USP32: variants seen among roughly 807,000 people sequenced by gnomAD.
USP32 encodes the protein ubiquitin specific peptidase 32, also known as ubiquitin carboxyl-terminal hydrolase 32.
Under a neutral mutation model 204.8 loss-of-function variants are expected in USP32, and 59 were observed. That is an observed-to-expected ratio of 0.29 (90% CI 0.23 to 0.36). The LOEUF (loss-of-function observed/expected upper bound fraction) is 0.36. Ranked by LOEUF, USP32 falls within the 10% of genes least tolerant of loss-of-function variation. The pLI, the probability that USP32 is intolerant of heterozygous loss-of-function variation, is 1.00. For synonymous variants in USP32, 517 were observed against 678.4 expected, an observed-to-expected ratio of 0.76 and a Z score of 3.70; for missense variants, 1,160 against 1,946.4, an observed-to-expected ratio of 0.60 and a Z score of 7.60.
chr17:60,234,832 G>A (rs1400935753), intron 12 of USP32, among the ~76,000 whole-genome samples: 1 of 151,950 alleles, frequency 6.6e-6, no homozygotes, highest in Admixed American at 6.5e-5. Flanking sequence ...CTATCTGGGC[G>A]TTTCAAAGTC....
At chr17:60,315,156 G>A (rs1001755678) in intron 2 of USP32, among the ~76,000 whole-genome samples, 2 of 152,202 alleles carry the variant, frequency 1.3e-5, no homozygotes, top group African/African-American at 4.8e-5. Context: ...CTAGCACTTT[G>A]GGAGGCCGAG....
At chr17:60,204,594 G>A (rs1306042797) in intron 26 of USP32, among the ~76,000 whole-genome samples, 3 of 150,356 alleles carry the variant, frequency 2.0e-5, no homozygotes, top group Admixed American at 6.7e-5. Flanking sequence ...TCAGCATCTC[G>A]AGTAGCTGAA....
chr17:60,314,998 C>G (rs1304777330), intron 2 of USP32, among the ~76,000 whole-genome samples: 4 of 152,112 alleles, frequency 2.6e-5, no homozygotes, highest in Admixed American at 1.3e-4. Context: ...CAATTTTAAA[C>G]AGGGCAAATG....
chr17:60,323,005 C>T (rs1184009020), intron 2 of USP32, among the ~76,000 whole-genome samples: 1 of 152,142 alleles, frequency 6.6e-6, no homozygotes, highest in Non-Finnish European at 1.5e-5. Context: ...ATTAATTAAA[C>T]TCCAAGGATA....
At chr17:60,415,987 G>A (rs1287563369) in intron 1 of USP32, among the ~76,000 whole-genome samples, 4 of 152,028 alleles carry the variant, frequency 2.6e-5, no homozygotes, top group East Asian at 3.9e-4. Context: ...CTACAGGCAC[G>A]TGCCACCACG....
rs1016878263 is a variant in USP32, at chr17:60,223,282, G to A, written c.1608+129C>T. 6.0e-5 allele frequency: 44 copies of A among 730,204 alleles called. No homozygotes were observed. The African/African-American group carries it at 6.2e-4, about 10-fold the overall frequency. The allele number at this position is 730,204 out of a possible 1,614,324, so 45.2% of individuals were successfully genotyped here. On this transcript the variant is annotated intron_variant, in intron 14 of 33. Transcript: ENST00000300896. ...TTCTCACAGAAATGTACTATACAAA[G>A]AGATGTCCATCTATAATACAGTAAT...
intron 1 of USP32, among the ~76,000 whole-genome samples, chr17:60,369,569 T>C (rs1464419133): frequency 6.6e-6 from 1 of 152,028 alleles, no homozygotes; most frequent in African/African-American, 2.4e-5. Context: ...AATGTAAAAC[T>C]TCAGAAGTGA....
At chr17:60,400,544 C>T (rs963889075) in intron 1 of USP32, among the ~76,000 whole-genome samples, 5 of 152,190 alleles carry the variant, frequency 3.3e-5, no homozygotes, top group African/African-American at 4.8e-5. Context: ...AGGAATACAA[C>T]AGGAGAAGGA....
intron 1 of USP32, among the ~76,000 whole-genome samples, chr17:60,381,377 G>C (rs1567887134): frequency 6.6e-6 from 1 of 151,386 alleles, no homozygotes; most frequent in Admixed American, 6.6e-5. Flanking sequence ...GGAAGTAGAG[G>C]CTGCAGTGAG....
intron 1 of USP32, 120 bp downstream of exon 1, chr17:60,391,762 T>C (rs2146144970): frequency 1.7e-6 from 2 of 1,168,788 alleles, no homozygotes; most frequent in East Asian, 5.5e-5. Context: ...GCCGGCCGCC[T>C]TTCCCTTCCG....
chr17:60,362,182 A>AT (rs1231993796), intron 1 of USP32, among the ~76,000 whole-genome samples: 1 of 152,208 alleles, frequency 6.6e-6, no homozygotes, highest in Admixed American at 6.5e-5. Flanking sequence ...CTGAGCTTGA[A>AT]TACATCACAT....
At chr17:60,250,546 A>G (rs1014196224) in intron 11 of USP32, among the ~76,000 whole-genome samples, 1 of 152,210 alleles carries the variant, frequency 6.6e-6, no homozygotes, top group Non-Finnish European at 1.5e-5. Flanking sequence ...CAATTATTTT[A>G]AAATCCTACG....
chr17:60,313,236 G>A (rs1002760207), intron 2 of USP32, among the ~76,000 whole-genome samples: 2 of 152,002 alleles, frequency 1.3e-5, no homozygotes, highest in African/African-American at 4.8e-5. Context: ...GGGTGACAGA[G>A]TGAGACTCTG....
intron 26 of USP32, among the ~76,000 whole-genome samples, chr17:60,201,117 C>A (rs141356612): frequency 2.0e-5 from 3 of 152,112 alleles, no homozygotes; most frequent in East Asian, 3.8e-4. Context: ...CTCAGCCTCC[C>A]AAAATGCTGA....
chr17:60,333,030 T>G (rs1264131911), intron 2 of USP32, among the ~76,000 whole-genome samples: 1 of 151,972 alleles, frequency 6.6e-6, no homozygotes, highest in Non-Finnish European at 1.5e-5. Context: ...GAAAGACTAC[T>G]CAATGAAAAA....
At chr17:60,378,569 T>C (rs894983167) in intron 1 of USP32, among the ~76,000 whole-genome samples, 1 of 152,302 alleles carries the variant, frequency 6.6e-6, no homozygotes, top group East Asian at 1.9e-4. Flanking sequence ...AACAGATGGA[T>C]GTACAAACAA....
In USP32 at chr17:60,183,404, G is replaced by A. The variant is rs2084165994; in HGVS notation, c.3884C>T (p.Ser1295Leu). 2 of 1,613,148 alleles carry A rather than the reference G, an allele frequency of 1.2e-6. No individual in the cohort carries two copies. Among genetic ancestry groups the A allele is most frequent in the African/African-American group, 2.7e-5 (2 of 74,846 alleles). ...FQFVNGRWIKSQKIVKFPRES... is the reference protein window; with the variant it reads ...FQFVNGRWIKLQKIVKFPRES... Reference sequence around the variant, plus strand: ...CCGAGGAAATTTGACAATTTTCTGTGATTTTATCCACCGACCATTTACAAA... The same window carrying A: ...CCGAGGAAATTTGACAATTTTCTGTAATTTTATCCACCGACCATTTACAAA... The change falls in exon 31 of 34, where the codon TCA becomes TTA. Residue 1295 changes from serine (S) to leucine (L), a missense_variant. Coordinates refer to ENST00000300896, the MANE Select transcript of USP32 (RefSeq NM_032582.4).
In USP32 at chr17:60,288,449, C is replaced by G. The variant is rs946912888; in HGVS notation, c.571+74G>C. The G allele has an allele frequency of 3.4e-6, 5 of 1,476,204 alleles. No homozygotes were observed. The African/African-American group carries it at 5.7e-5, about 17-fold the overall frequency. 91.4% of individuals were successfully genotyped at this position (1,476,204 alleles called of 1,614,324 possible). A position where few individuals can be genotyped will look rare whatever the true frequency, so the allele number is the denominator to read the frequency against. On this transcript the variant is annotated intron_variant, in intron 5 of 33. Transcript: ENST00000300896. ...TTTAAATAAATTTCTCCTTTATAAGCATATTCTCATATTACCAGCCAATTA... is the reference window on the plus strand; with the variant it reads ...TTTAAATAAATTTCTCCTTTATAAGGATATTCTCATATTACCAGCCAATTA...
chr17:60,420,078 AT>A (rs2090097678), intron 1 of USP32, among the ~76,000 whole-genome samples: 1 of 148,490 alleles, frequency 6.7e-6, no homozygotes, highest in African/African-American at 2.5e-5. Context: ...TGTTTATTTT[AT>A]TTTATTTTAT....
Sources: allele counts gnomAD v4.1 joint callset (sites outside exome capture counted in the v4.1 genomes callset), GRCh38; gene constraint gnomAD v4.1.1; transcripts MANE v1.5; gene names NCBI Gene and HGNC (gene_info 2026-07-23, HGNC 2026-07-21).